Variants in NEK5 observed in about 807,000 individuals in gnomAD.
The protein encoded by NEK5 is NIMA related kinase 5, also known as serine/threonine-protein kinase Nek5.
NEK5 carries 88 observed loss-of-function variants against 109.2 expected under a neutral mutation model. That is an observed-to-expected ratio of 0.81 (90% CI 0.68 to 0.96). NEK5 has a LOEUF of 0.96. NEK5 is among the 40% of genes least tolerant of loss of function. The pLI, the probability that NEK5 is intolerant of heterozygous loss-of-function variation, is 0.00. For synonymous variants in NEK5, 283 were observed against 299.9 expected (o/e 0.94, Z 0.58); for missense variants, 834 against 920.7 (o/e 0.91, Z 1.22).
chr13:52,128,908 C>T (rs1384088988), intron 1 of NEK5, 121 bp downstream of exon 1: 2 of 152,402 alleles, frequency 1.3e-5, no homozygotes, highest in African/African-American at 4.8e-5. Context: ...GACGCTAGGC[C>T]TTTTCTGGGC....
At chr13:52,090,440 C>G (rs1301184689) in intron 13 of NEK5, among the ~76,000 whole-genome samples, 4 of 152,140 alleles carry the variant, frequency 2.6e-5, no homozygotes, top group Admixed American at 6.5e-5. Flanking sequence ...GATGAAATGA[C>G]AAGCTAAAGT....
intron 23 of NEK5, 123 bp downstream of exon 23, chr13:52,049,980 AC>A (rs1954490107): frequency 5.8e-6 from 1 of 172,734 alleles, no homozygotes; most frequent in Admixed American, 6.5e-5. Flanking sequence ...CCAGAACCAA[AC>A]CCGTGCATTG....
intron 13 of NEK5, among the ~76,000 whole-genome samples, chr13:52,092,601 C>T (rs554435903): frequency 5.3e-5 from 8 of 152,104 alleles, no homozygotes; most frequent in Non-Finnish European, 2.9e-5. Context: ...AAGGGACTAA[C>T]ATGGCCAGGC....
chr13:52,115,058 G>A (rs1955826191), intron 4 of NEK5, among the ~76,000 whole-genome samples: 1 of 151,098 alleles, frequency 6.6e-6, no homozygotes, highest in Admixed American at 6.6e-5. Context: ...TGTCACCTGG[G>A]CTGGAGTGCA....
At chr13:52,116,027 C>G in intron 4 of NEK5, among the ~76,000 whole-genome samples, 1 of 151,612 alleles carries the variant, frequency 6.6e-6, no homozygotes, top group African/African-American at 2.4e-5. Context: ...AAAAAATATT[C>G]AAAAATTAGC....
chr13:52,055,626 C>G lies in NEK5; in HGVS notation c.2111-5405G>C, dbSNP rs1250903267. On this transcript the variant is annotated intron_variant, in intron 22 of 23. Coordinates refer to ENST00000684899, the MANE Select transcript of NEK5 (RefSeq NM_001365552.1). Reference sequence around the variant, plus strand: ...TCGGCAGAAACTCTACAAGCCAGAACAGAGGGGGGCCAATATTCAACATTC... The same window carrying G: ...TCGGCAGAAACTCTACAAGCCAGAAGAGAGGGGGGCCAATATTCAACATTC... Among the ~76,000 whole-genome samples the G allele has an allele frequency of 1.3e-4, 20 of 152,210 alleles. No homozygotes were observed. The South Asian group carries it at 4.0e-3, about 30-fold the overall frequency.
intron 1 of NEK5, among the ~76,000 whole-genome samples, chr13:52,127,877 G>C (rs1397256125): frequency 6.6e-6 from 1 of 152,186 alleles, no homozygotes; most frequent in Non-Finnish European, 1.5e-5. Flanking sequence ...AATGTCCTTA[G>C]GCTTGTGCAC....
chr13:52,107,080 T>C (rs1955670299), intron 8 of NEK5, among the ~76,000 whole-genome samples: 1 of 152,170 alleles, frequency 6.6e-6, no homozygotes, highest in African/African-American at 2.4e-5. Context: ...AAAATGGACA[T>C]CACAGTGACT....
chr13:52,119,880 A>T (rs1955935855), intron 3 of NEK5, among the ~76,000 whole-genome samples: 1 of 152,230 alleles, frequency 6.6e-6, no homozygotes, highest in Non-Finnish European at 1.5e-5. Context: ...TTTCATTTTC[A>T]AATAAAAATT....
intron 22 of NEK5, among the ~76,000 whole-genome samples, chr13:52,055,383 T>C (rs1042219436): frequency 6.6e-6 from 1 of 152,086 alleles, no homozygotes; most frequent in African/African-American, 2.4e-5. Context: ...CTGCAGGATA[T>C]TATCCAGGAG....
Position 52,112,334 on chromosome 13 carries a change from A to G in NEK5, c.246T>C (p.Tyr82=). ...TTTTCATGAGATCCCCTCCATCACAATATTCCATTACAATAAACAGCCTGC... is the reference window on the plus strand; with the variant it reads ...TTTTCATGAGATCCCCTCCATCACAGTATTCCATTACAATAAACAGCCTGC... ...ENGRLFIVME[Y]CDGGDLMKRI... is the part of the protein sequence containing the mutation. Residue 82 remains tyrosine (Y), a synonymous_variant, in exon 5 of 24, where the codon TAT becomes TAC. Transcript: ENST00000684899. 6.2e-7 allele frequency: 1 copy of G among 1,609,646 alleles called. No individual in the cohort carries two copies. The highest frequency in any genetic ancestry group is 8.5e-7 in the Non-Finnish European group (1 of 1,176,114).
chr13:52,102,206 G>A lies in NEK5; in HGVS notation c.696C>T (p.Leu232=), dbSNP rs767496513. The A allele has an allele frequency of 5.6e-6, 9 of 1,613,822 alleles. No individual in the cohort carries two copies. Among genetic ancestry groups the A allele is most frequent in the Non-Finnish European group, 7.6e-6 (9 of 1,179,714 alleles). Reference sequence around the variant, plus strand: ...GAAAGAGCTGAGATATCAAGGAATGGAGCTCACGAGAAAACCCCGGAGATA... The same window carrying A: ...GAAAGAGCTGAGATATCAAGGAATGAAGCTCACGAGAAAACCCCGGAGATA... ...APISPGFSRE[L]HSLISQLFQV... The change falls in exon 10 of 24, where the codon CTC becomes CTT. Residue 232 remains leucine (L), a synonymous_variant. Coordinates refer to ENST00000684899, the MANE Select transcript of NEK5 (RefSeq NM_001365552.1).
rs1182280904 is a variant in NEK5 at position 52,075,757 on chromosome 13, C to T, written c.1722+1G>A. 2 of 1,544,254 alleles carry T rather than the reference C, an allele frequency of 1.3e-6. No homozygotes were observed. Among genetic ancestry groups the T allele is most frequent in the Non-Finnish European group, 8.8e-7 (1 of 1,137,326 alleles). ...ATGGAAATTTAGACTTAATGGCATACCTCTTCCTCTTGGAGGATGTTTTCA... is the reference window on the plus strand; with the variant it reads ...ATGGAAATTTAGACTTAATGGCATATCTCTTCCTCTTGGAGGATGTTTTCA... On this transcript the variant is annotated splice_donor_variant, in intron 19 of 23. Transcript: ENST00000684899. LOFTEE classifies it high-confidence loss of function.
chr13:52,109,518 C>G (rs551984904), intron 7 of NEK5, among the ~76,000 whole-genome samples: 175 of 152,212 alleles, frequency 1.1e-3, no homozygotes, highest in Non-Finnish European at 2.1e-3. Flanking sequence ...TGGGGAAAAT[C>G]TACATTCTGA....
intron 22 of NEK5, among the ~76,000 whole-genome samples, chr13:52,053,922 C>T (rs976682479): frequency 3.9e-5 from 6 of 152,116 alleles, no homozygotes; most frequent in Non-Finnish European, 7.4e-5. Flanking sequence ...ATTTTGCAAG[C>T]GGAGGGCAGC....
chr13:52,098,853 A>G (rs940501111), intron 12 of NEK5, among the ~76,000 whole-genome samples: 1 of 152,230 alleles, frequency 6.6e-6, no homozygotes, highest in African/African-American at 2.4e-5. Flanking sequence ...AATGCTCAGT[A>G]CAGAATACTT....
intron 3 of NEK5, among the ~76,000 whole-genome samples, chr13:52,122,140 A>G (rs1183525677): frequency 6.6e-6 from 1 of 152,216 alleles, no homozygotes; most frequent in Non-Finnish European, 1.5e-5. Flanking sequence ...GCAATGTAGT[A>G]TCATGGAAAG....
chr13:52,054,893 TCTC>T (rs1430869051), intron 22 of NEK5, among the ~76,000 whole-genome samples: 2 of 152,262 alleles, frequency 1.3e-5, no homozygotes, highest in Middle Eastern at 3.4e-3. Flanking sequence ...GCAGAGCACC[TCTC>T]CTCCTCCAAA....
chr13:52,059,965 T>A (rs991835095), intron 22 of NEK5, among the ~76,000 whole-genome samples: 1 of 150,848 alleles, frequency 6.6e-6, no homozygotes, highest in African/African-American at 2.4e-5. Context: ...AATAAAAAAA[T>A]AAAAAAATAA....
Sources: gnomAD v4.1 joint callset for allele counts (sites outside exome capture counted in the v4.1 genomes callset) on GRCh38, gnomAD v4.1.1 for gene constraint, MANE v1.5 for transcripts, NCBI Gene and HGNC (gene_info 2026-07-23, HGNC 2026-07-21) for gene names.